LRRC7: variants seen among roughly 807,000 people sequenced by gnomAD.
LRRC7 encodes the protein leucine-rich repeat-containing protein 7.
LRRC7 carries 23 observed loss-of-function variants against 175.7 expected under a neutral mutation model. The ratio of observed to expected loss-of-function variants is 0.13; its 90% CI spans 0.09 to 0.19. The LOEUF is 0.19. Ranked by LOEUF, LRRC7 falls within the 10% of genes least tolerant of loss-of-function variation. The pLI, the probability that LRRC7 is intolerant of heterozygous loss-of-function variation, is 1.00. For missense variants in LRRC7, 1,354 were observed against 1,904.7 expected (o/e 0.71, Z 5.38); for synonymous variants, 685 against 680.9 (o/e 1.01, Z -0.09).
intron 2 of LRRC7, among the ~76,000 whole-genome samples, chr1:69,723,086 G>A (rs1666548749): frequency 6.6e-6 from 1 of 151,982 alleles, no homozygotes; most frequent in African/African-American, 2.4e-5. Context: ...TCTATTATAT[G>A]TGGTTCTTCT....
rs372563990 is a variant in LRRC7, at chr1:70,029,849, C to T, written c.1995+1478C>T. On this transcript the variant is annotated intron_variant, in intron 18 of 26. Coordinates refer to ENST00000651989, the MANE Select transcript of LRRC7 (RefSeq NM_001370785.2). Reference sequence around the variant, plus strand: ...TTTGGTTATGAATTTAATAATAAATCTTAAAACTGTCTCAAAATCAGGTCA... The same window carrying T: ...TTTGGTTATGAATTTAATAATAAATTTTAAAACTGTCTCAAAATCAGGTCA... Among the ~76,000 whole-genome samples, 6 of 152,100 alleles carry T rather than the reference C, an allele frequency of 3.9e-5. No individual in the cohort carries two copies. In the East Asian group the frequency reaches 7.7e-4, roughly 20 times the overall value.
intron 2 of LRRC7, among the ~76,000 whole-genome samples, chr1:69,722,374 G>C (rs1444439674): frequency 1.3e-5 from 2 of 151,974 alleles, no homozygotes; most frequent in Non-Finnish European, 2.9e-5. Context: ...ATGCAAGACT[G>C]TTTTGCATCT....
intron 7 of LRRC7, among the ~76,000 whole-genome samples, chr1:69,867,314 A>G (rs1455455153): frequency 6.6e-6 from 1 of 152,206 alleles, no homozygotes; most frequent in African/African-American, 2.4e-5. Flanking sequence ...ATCACAATAT[A>G]GTTTTCTGAG....
chr1:69,660,382 A>C (rs1223531077), intron 1 of LRRC7, among the ~76,000 whole-genome samples: 1 of 152,144 alleles, frequency 6.6e-6, no homozygotes, highest in Non-Finnish European at 1.5e-5. Flanking sequence ...TAGTTAATAG[A>C]CAAACAGAAA....
intron 7 of LRRC7, among the ~76,000 whole-genome samples, chr1:69,914,813 T>C (rs1239232128): frequency 1.3e-5 from 2 of 152,158 alleles, no homozygotes; most frequent in African/African-American, 2.4e-5. Context: ...TAACATATCG[T>C]GTAATATAAC....
At chr1:69,806,228 G>A (rs976416132) in intron 4 of LRRC7, among the ~76,000 whole-genome samples, 4 of 151,900 alleles carry the variant, frequency 2.6e-5, no homozygotes, top group African/African-American at 4.8e-5. Flanking sequence ...TTCATTTGTC[G>A]AGTATGAAGC....
At chr1:69,970,875 C>A (rs922689819) in intron 8 of LRRC7, among the ~76,000 whole-genome samples, 5 of 152,052 alleles carry the variant, frequency 3.3e-5, no homozygotes, top group African/African-American at 1.2e-4. Flanking sequence ...ATGCTAAAAT[C>A]CTTAACGTAA....
chr1:69,998,451 G>T (rs1480935725), intron 11 of LRRC7, among the ~76,000 whole-genome samples: 1 of 152,110 alleles, frequency 6.6e-6, no homozygotes, highest in Non-Finnish European at 1.5e-5. Context: ...TCACTATACA[G>T]TGTGTTTCTC....
chr1:69,871,589 G>C (rs1415555784), intron 7 of LRRC7, among the ~76,000 whole-genome samples: 1 of 151,952 alleles, frequency 6.6e-6, no homozygotes, highest in Non-Finnish European at 1.5e-5. Flanking sequence ...TACACATGCT[G>C]TTATTTTCCT....
At chr1:70,120,625 A>G (rs762067867) in intron 26 of LRRC7, among the ~76,000 whole-genome samples, 1 of 152,132 alleles carries the variant, frequency 6.6e-6, no homozygotes, top group Non-Finnish European at 1.5e-5. Flanking sequence ...AATATTAATC[A>G]TATTTTAAGA....
chr1:69,604,363 A>G (rs1647221104), intron 1 of LRRC7, among the ~76,000 whole-genome samples: 1 of 152,204 alleles, frequency 6.6e-6, no homozygotes, highest in Non-Finnish European at 1.5e-5. Context: ...AAATGTGTCA[A>G]TAAAAAATAA....
At chr1:69,944,782 C>A (rs972480576) in intron 8 of LRRC7, among the ~76,000 whole-genome samples, 4 of 151,532 alleles carry the variant, frequency 2.6e-5, no homozygotes, top group African/African-American at 9.7e-5. Flanking sequence ...AGCATTTTTT[C>A]TTATACCTGT....
intron 23 of LRRC7, among the ~76,000 whole-genome samples, chr1:70,075,375 G>A (rs576522370): frequency 7.9e-5 from 12 of 152,064 alleles, no homozygotes; most frequent in African/African-American, 2.2e-4. Flanking sequence ...ATGAGAGACC[G>A]CAGCAAGCAT....
At position 70,122,936 on chromosome 1, in the gene LRRC7, G is replaced by A. The variant is rs1024937567; in HGVS notation, c.*1049G>A. ...TTATGGTAGGTGATTTTAAATCCTT[G>A]GTATTTAAATATGAAACTTCAAATA... On this transcript the variant is annotated 3_prime_UTR_variant, in exon 27 of 27. Transcript: ENST00000651989. 4.6e-5 allele frequency: 7 copies of A among 152,406 alleles called. No individual in the cohort carries two copies. The highest frequency in any genetic ancestry group is 2.4e-5 in the African/African-American group (1 of 41,424). The allele number at this position is 152,406 out of a possible 1,614,324, so 9.4% of individuals were successfully genotyped here. A position where few individuals can be genotyped will look rare whatever the true frequency, so the allele number is the denominator to read the frequency against.
At chr1:69,787,261 G>A (rs903560984) in intron 3 of LRRC7, among the ~76,000 whole-genome samples, 2 of 152,130 alleles carry the variant, frequency 1.3e-5, no homozygotes, top group Admixed American at 1.3e-4. Context: ...CTGCTTTCAT[G>A]GGCTGTCATT....
chr1:69,670,769 A>C (rs1323115865), intron 1 of LRRC7, among the ~76,000 whole-genome samples: 1 of 152,092 alleles, frequency 6.6e-6, no homozygotes, highest in Non-Finnish European at 1.5e-5. Context: ...TTGGGAGAAG[A>C]GTCTTAGCCC....
intron 7 of LRRC7, among the ~76,000 whole-genome samples, chr1:69,880,765 G>GA (rs113512686): frequency 0.14 from 21,884 of 151,786 alleles, 2,354 homozygotes; most frequent in African/African-American, 0.3. Flanking sequence ...CATATATAAG[G>GA]AAAAAAAGAA....
At chr1:69,858,337 G>C (rs915302784) in intron 7 of LRRC7, among the ~76,000 whole-genome samples, 4 of 152,016 alleles carry the variant, frequency 2.6e-5, no homozygotes, top group Non-Finnish European at 4.4e-5. Context: ...CTACAGAATG[G>C]AAGAAAATTT....
intron 20 of LRRC7, among the ~76,000 whole-genome samples, chr1:70,037,783 G>A (rs186222853): frequency 6.6e-6 from 1 of 152,226 alleles, no homozygotes; most frequent in African/African-American, 2.4e-5. Context: ...CTATGTGCCA[G>A]GCATTAGTCT....
Sources: allele counts gnomAD v4.1 joint callset (sites outside exome capture counted in the v4.1 genomes callset), GRCh38; gene constraint gnomAD v4.1.1; transcripts MANE v1.5; gene names NCBI Gene and HGNC (gene_info 2026-07-23, HGNC 2026-07-21).